Variants in RSF1 observed in about 807,000 individuals in gnomAD.
The protein encoded by RSF1 is remodeling and spacing factor 1, also known as HBV pX-associated protein 8.
In RSF1, 13 loss-of-function variants were observed where a neutral mutation model predicts 145.2. That is an observed-to-expected ratio of 0.09 (90% CI 0.06 to 0.14). The LOEUF (loss-of-function observed/expected upper bound fraction) is 0.14. Ranked by LOEUF, RSF1 falls within the 10% of genes least tolerant of loss-of-function variation. The pLI is 1.00. For missense variants in RSF1, 1,517 were observed against 1,718.2 expected (o/e 0.88, Z 2.07); for synonymous variants, 577 against 592.6 (o/e 0.97, Z 0.38).
intron 5 of RSF1, among the ~76,000 whole-genome samples, chr11:77,718,853 A>G (rs1387808504): frequency 6.6e-6 from 1 of 152,238 alleles, no homozygotes; most frequent in Non-Finnish European, 1.5e-5. Context: ...CTAATAGACT[A>G]CGTTAAGTTA....
Position 77,663,352 on chromosome 11 carries a change from C to T in RSF1, c.*3565G>A, listed in dbSNP as rs1240333048. ...TAAACAAGTAAATGTCCATGTTTTT[C>T]TTAATATGTGTACTTTGCTCAAATG... On this transcript the variant is annotated 3_prime_UTR_variant, in exon 16 of 16. Coordinates refer to ENST00000308488, the MANE Select transcript of RSF1 (RefSeq NM_016578.4). 6.6e-6 allele frequency: 1 copy of T among 152,134 alleles called. No individual in the cohort carries two copies. Among genetic ancestry groups the T allele is most frequent in the Non-Finnish European group, 1.5e-5 (1 of 68,004 alleles). The allele number at this position is 152,134 out of a possible 1,614,324, so 9.4% of individuals were successfully genotyped here. A position where few individuals can be genotyped will look rare whatever the true frequency, so the allele number is the denominator to read the frequency against.
chr11:77,815,173 C>A (rs188574290), intron 1 of RSF1, among the ~76,000 whole-genome samples: 2 of 152,356 alleles, frequency 1.3e-5, no homozygotes, highest in East Asian at 3.9e-4. Context: ...CCCAACAGTA[C>A]AAGAGCGAGC....
chr11:77,676,783 A>C lies in RSF1; in HGVS notation c.3341+9T>G. 1.9e-6 allele frequency: 3 copies of C among 1,611,294 alleles called. No individual in the cohort carries two copies. The highest frequency in any genetic ancestry group is 1.7e-6 in the Non-Finnish European group (2 of 1,178,144). On this transcript the variant is annotated intron_variant, in intron 13 of 15. Transcript: ENST00000308488. ...TCTAGGGATCGGGGCCTAGTAGGAG[A>C]CCACACACCCATCACTGATCTTGAA...
chr11:77,761,511 C>T (rs1283001897), intron 2 of RSF1, among the ~76,000 whole-genome samples: 1 of 151,988 alleles, frequency 6.6e-6, no homozygotes, highest in Non-Finnish European at 1.5e-5. Context: ...CTTCACATGG[C>T]TGTCTTCAGG....
At chr11:77,739,810 C>T (rs2135909027) in intron 4 of RSF1, among the ~76,000 whole-genome samples, 1 of 152,136 alleles carries the variant, frequency 6.6e-6, no homozygotes, top group African/African-American at 2.4e-5. Flanking sequence ...ACTAAAGACA[C>T]AAAGATTCTG....
At chr11:77,750,673 T>C (rs1321029114) in intron 2 of RSF1, among the ~76,000 whole-genome samples, 2 of 152,208 alleles carry the variant, frequency 1.3e-5, no homozygotes, top group African/African-American at 2.4e-5. Context: ...GTAATTCATA[T>C]TAATTCCCCA....
rs774971554 is a variant in RSF1, at chr11:77,701,137, T to C, written c.2092A>G (p.Lys698Glu). Residue 698 changes from lysine to glutamate, a missense_variant, in exon 6 of 16, where the codon AAG becomes GAG. This residue lies in a region of RSF1 where 579 missense variants were observed against 553.5 expected (regional missense o/e 1.05). Transcript: ENST00000308488. The stretch of plus-strand genomic sequence containing the variant: ...AATTTGCTTTTTTGCATAGAACCCT[T>C]TGTCTCAGAAGGCTCCTCTATGCCA... ...TSGIEEPSET[K>E]GSMQKSKFKY... 6.8e-6 allele frequency: 11 copies of C among 1,614,002 alleles called. No individual in the cohort carries two copies. The highest frequency in any genetic ancestry group is 1.7e-4 in the Middle Eastern group (1 of 6,060).
chr11:77,856,968 T>C, the RSF1 span, among the ~76,000 whole-genome samples: 15 of 152,324 alleles, frequency 9.8e-5, no homozygotes, highest in East Asian at 2.9e-3. Flanking sequence ...TCTCAGAGCA[T>C]GTTAGAATCC....
intron 1 of RSF1, among the ~76,000 whole-genome samples, chr11:77,812,958 C>T (rs1428718486): frequency 6.6e-6 from 1 of 151,018 alleles, no homozygotes; most frequent in Non-Finnish European, 1.5e-5. Context: ...TGTTCTTACA[C>T]TGAAAAGATC....
intron 5 of RSF1, among the ~76,000 whole-genome samples, chr11:77,706,164 C>T (rs907287398): frequency 3.3e-5 from 5 of 150,870 alleles, no homozygotes; most frequent in Non-Finnish European, 7.4e-5. Context: ...TGGCTTGAAC[C>T]CGGGAGGCAG....
intron 2 of RSF1, chr11:77,762,650 T>C (rs970213780): frequency 6.6e-6 from 1 of 152,230 alleles, no homozygotes; most frequent in African/African-American, 2.4e-5. Flanking sequence ...TAGATGCCAA[T>C]GCTGACTGAT....
chr11:77,771,639 T>C (rs1313547178), intron 1 of RSF1, among the ~76,000 whole-genome samples: 1 of 152,200 alleles, frequency 6.6e-6, no homozygotes. Flanking sequence ...TGAAATAATC[T>C]AGGCGGCAGG....
chr11:77,698,703 A>T lies in RSF1; in HGVS notation c.2509-10T>A. On this transcript the variant is annotated splice_polypyrimidine_tract_variant and intron_variant, in intron 6 of 15. Coordinates refer to ENST00000308488, the MANE Select transcript of RSF1 (RefSeq NM_016578.4). ...TGCCTTTGGGTTTTACCTTGTATAAAATAAAAAAAATTGGGATAATTTGAT... is the reference window on the plus strand; with the variant it reads ...TGCCTTTGGGTTTTACCTTGTATAATATAAAAAAAATTGGGATAATTTGAT... The T allele has an allele frequency of 6.2e-7, 1 of 1,608,326 alleles. No individual in the cohort carries two copies. Among genetic ancestry groups the T allele is most frequent in the Non-Finnish European group, 8.5e-7 (1 of 1,175,704 alleles).
chr11:77,815,222 C>T (rs1196920374), intron 1 of RSF1, among the ~76,000 whole-genome samples: 1 of 152,244 alleles, frequency 6.6e-6, no homozygotes, highest in East Asian at 1.9e-4. Context: ...ACCTAACGTA[C>T]AGATATGACC....
intron 3 of RSF1, among the ~76,000 whole-genome samples, chr11:77,745,927 G>C (rs1947994750): frequency 6.6e-6 from 1 of 151,736 alleles, no homozygotes; most frequent in East Asian, 1.9e-4. Context: ...ACCCTGAAAA[G>C]TTATATGTAT....
intron 8 of RSF1, among the ~76,000 whole-genome samples, chr11:77,692,683 T>G (rs1814222604): frequency 8.1e-5 from 1 of 12,338 alleles, no homozygotes; most frequent in Non-Finnish European, 1.4e-4. Context: ...CTGGCGGTGT[T>G]TTTTTTTTTT....
At chr11:77,675,834 T>C (rs1287650325) in intron 13 of RSF1, among the ~76,000 whole-genome samples, 2 of 152,264 alleles carry the variant, frequency 1.3e-5, no homozygotes, top group African/African-American at 4.8e-5. Context: ...AATGCCAGGA[T>C]GAATCTTTCT....
chr11:77,777,791 T>C (rs1207274656), intron 1 of RSF1, among the ~76,000 whole-genome samples: 3 of 151,504 alleles, frequency 2.0e-5, no homozygotes, highest in Non-Finnish European at 4.4e-5. Context: ...TCAAGACCAG[T>C]CTGGGCCACA....
At chr11:77,725,040 A>G (rs1961021223) in intron 5 of RSF1, among the ~76,000 whole-genome samples, 1 of 152,216 alleles carries the variant, frequency 6.6e-6, no homozygotes, top group African/African-American at 2.4e-5. Flanking sequence ...TTCATAAGAG[A>G]CAGATAGCAG....
Sources: allele counts gnomAD v4.1 joint callset (sites outside exome capture counted in the v4.1 genomes callset), GRCh38; gene constraint gnomAD v4.1.1; regional missense constraint gnomAD v4.1.1; transcripts MANE v1.5; gene names NCBI Gene and HGNC (gene_info 2026-07-23, HGNC 2026-07-21).